Variants in ERC2 observed in about 807,000 individuals in gnomAD.
ERC2 encodes the protein ERC protein 2.
ERC2 carries 42 observed loss-of-function variants against 114.8 expected under a neutral mutation model. That is an observed-to-expected ratio of 0.37 (90% CI 0.29 to 0.47). The LOEUF is 0.47. ERC2 is among the 20% of genes least tolerant of loss of function. The pLI, the probability that ERC2 is intolerant of heterozygous loss-of-function variation, is 0.99. For missense variants in ERC2, 939 were observed against 1,150.7 expected, an observed-to-expected ratio of 0.82 and a Z score of 2.66; for synonymous variants, 454 against 425.5, an observed-to-expected ratio of 1.07 and a Z score of -0.82.
intron 7 of ERC2, among the ~76,000 whole-genome samples, chr3:56,078,013 G>A (rs753538973): frequency 3.3e-5 from 5 of 152,102 alleles, no homozygotes; most frequent in East Asian, 1.9e-4. Context: ...ATTTGCAGCC[G>A]GAGATTTTAA....
chr3:55,940,841 C>T (rs184866066), intron 13 of ERC2, among the ~76,000 whole-genome samples: 23 of 152,186 alleles, frequency 1.5e-4, no homozygotes, highest in African/African-American at 5.1e-4. Flanking sequence ...ACCCCGTTAC[C>T]CAAGTTTATG....
intron 2 of ERC2, among the ~76,000 whole-genome samples, chr3:56,309,341 G>T (rs1215510804): frequency 6.6e-6 from 1 of 152,172 alleles, no homozygotes; most frequent in Non-Finnish European, 1.5e-5. Context: ...AAGATTCATA[G>T]CACTAAGAAC....
chr3:56,402,850 T>C (rs187910867), intron 2 of ERC2, among the ~76,000 whole-genome samples: 1 of 152,352 alleles, frequency 6.6e-6, no homozygotes, highest in East Asian at 1.9e-4. Flanking sequence ...AAGCTCTGTA[T>C]AAGTTAAGGC....
At chr3:55,996,308 G>C (rs1256852446) in intron 10 of ERC2, among the ~76,000 whole-genome samples, 3 of 152,132 alleles carry the variant, frequency 2.0e-5, no homozygotes, top group African/African-American at 7.2e-5. Context: ...GTTTTCTTTT[G>C]ATGGTTTCAG....
chr3:55,614,483 A>C (rs1438521799), intron 17 of ERC2, among the ~76,000 whole-genome samples: 1 of 152,172 alleles, frequency 6.6e-6, no homozygotes, highest in Non-Finnish European at 1.5e-5. Flanking sequence ...CCTTCATATG[A>C]AAAACTGTCT....
At chr3:56,352,996 T>C (rs1231195015) in intron 2 of ERC2, among the ~76,000 whole-genome samples, 3 of 152,172 alleles carry the variant, frequency 2.0e-5, no homozygotes, top group African/African-American at 4.8e-5. Flanking sequence ...ACATTTGCCA[T>C]ATTCTACTGG....
At chr3:55,542,448 C>T (rs1450602892) in intron 17 of ERC2, among the ~76,000 whole-genome samples, 1 of 152,126 alleles carries the variant, frequency 6.6e-6, no homozygotes, top group Non-Finnish European at 1.5e-5. Context: ...ACCTGTATTA[C>T]AGATTTCTGA....
Position 56,029,453 on chromosome 3 carries a change from G to A in ERC2, c.1642-10422C>T, listed in dbSNP as rs9812106. 6.0e-3 allele frequency among the ~76,000 whole-genome samples: 905 copies of A among 152,038 alleles called. 9 individuals carry two copies. Among genetic ancestry groups the A allele is most frequent in the East Asian group, 0.015 (79 of 5,168 alleles). ...TAAAATTCTCCAGTGAAGCCATCAG[G>A]GCTTGGAAATTTCTTTTTCAGGAGC... On this transcript the variant is annotated intron_variant, in intron 7 of 17. Coordinates refer to ENST00000288221, the MANE Select transcript of ERC2 (RefSeq NM_015576.3).
chr3:56,448,885 T>C (rs921821817), intron 1 of ERC2, among the ~76,000 whole-genome samples: 7 of 151,896 alleles, frequency 4.6e-5, no homozygotes, highest in African/African-American at 1.7e-4. Context: ...ACCATCCTGA[T>C]TAACACGGTG....
chr3:55,515,278 TAAAC>T (rs762350019), intron 17 of ERC2, among the ~76,000 whole-genome samples: 3 of 152,138 alleles, frequency 2.0e-5, no homozygotes, highest in Non-Finnish European at 2.9e-5. Flanking sequence ...AACATGCACA[TAAAC>T]AAACATTTGC....
chr3:55,984,410 A>G (rs1278466047), intron 12 of ERC2, among the ~76,000 whole-genome samples: 1 of 152,200 alleles, frequency 6.6e-6, no homozygotes, highest in Non-Finnish European at 1.5e-5. Context: ...AGCAAAAGGG[A>G]TCCCTGGATC....
chr3:55,624,485 G>A (rs946526256), intron 17 of ERC2, among the ~76,000 whole-genome samples: 5 of 152,194 alleles, frequency 3.3e-5, no homozygotes, highest in Non-Finnish European at 5.9e-5. Context: ...ACCCCAGACT[G>A]GTGCTGAGAG....
intron 12 of ERC2, among the ~76,000 whole-genome samples, chr3:55,952,186 C>A (rs370757074): frequency 0.48 from 44,724 of 93,954 alleles, 12,082 homozygotes; most frequent in Non-Finnish European, 0.57. Flanking sequence ...CACACTCTCT[C>A]TCTCTCTCTC....
intron 1 of ERC2, among the ~76,000 whole-genome samples, chr3:56,451,152 C>T (rs148016190): frequency 1.8e-3 from 269 of 152,188 alleles, no homozygotes; most frequent in African/African-American, 6.2e-3. Context: ...TTGGGTCTTA[C>T]ACTAAAAAAT....
chr3:56,040,719 C>T (rs2075133188), intron 7 of ERC2, among the ~76,000 whole-genome samples: 1 of 122,248 alleles, frequency 8.2e-6, no homozygotes, highest in South Asian at 2.7e-4. Flanking sequence ...GAGAGAGATA[C>T]ATATAGATAT....
intron 10 of ERC2, chr3:56,003,190 C>T (rs1375597506): frequency 4.2e-5 from 52 of 1,245,290 alleles, no homozygotes; most frequent in Non-Finnish European, 5.3e-5. Context: ...AAGGAAAGAT[C>T]CAGAAAAACA....
intron 15 of ERC2, among the ~76,000 whole-genome samples, chr3:55,714,536 C>A (rs2063965071): frequency 1.3e-5 from 2 of 151,362 alleles, no homozygotes; most frequent in South Asian, 4.2e-4. Context: ...AAGTGCATCA[C>A]AACATATAAT....
At chr3:56,401,089 CT>C (rs1485861698) in intron 2 of ERC2, among the ~76,000 whole-genome samples, 4 of 152,204 alleles carry the variant, frequency 2.6e-5, no homozygotes, top group African/African-American at 9.6e-5. Context: ...AGTCTGTGAA[CT>C]TTTCTAGCTC....
intron 2 of ERC2, among the ~76,000 whole-genome samples, chr3:56,359,952 C>T (rs991899912): frequency 6.6e-6 from 1 of 152,056 alleles, no homozygotes; most frequent in East Asian, 1.9e-4. Flanking sequence ...TTAGGCCCCA[C>T]CTTCAAATAA....
Sources: allele counts gnomAD v4.1 joint callset (sites outside exome capture counted in the v4.1 genomes callset), GRCh38; gene constraint gnomAD v4.1.1; transcripts MANE v1.5; gene names NCBI Gene and HGNC (gene_info 2026-07-23, HGNC 2026-07-21).